CERS6: variants seen among roughly 807,000 people sequenced by gnomAD.
CERS6 encodes ceramide synthase 6.
CERS6 carries 26 observed loss-of-function variants against 56.8 expected under a neutral mutation model. The ratio of observed to expected loss-of-function variants is 0.46; its 90% confidence interval spans 0.34 to 0.63. CERS6 has a LOEUF of 0.63. Ranked by LOEUF, CERS6 falls within the 30% of genes least tolerant of loss-of-function variation. The probability of loss-of-function intolerance (pLI) is 0.01; values close to 1 mark genes in which losing one functional copy is unlikely to be tolerated. For missense variants in CERS6, 415 were observed against 467.5 expected, an observed-to-expected ratio of 0.89 and a Z score of 1.04; for synonymous variants, 164 against 173.3, an observed-to-expected ratio of 0.95 and a Z score of 0.42.
chr2:168,464,916 A>G (rs932448898), intron 1 of CERS6, among the ~76,000 whole-genome samples: 1 of 152,220 alleles, frequency 6.6e-6, no homozygotes, highest in African/African-American at 2.4e-5. Context: ...GGTGAGGACA[A>G]ATTGGATCTG....
At chr2:168,487,864 G>A (rs774456240) in intron 1 of CERS6, among the ~76,000 whole-genome samples, 14 of 152,222 alleles carry the variant, frequency 9.2e-5, no homozygotes, top group Admixed American at 3.3e-4. Flanking sequence ...GGCGACGTGT[G>A]TGCCATGACA....
At chr2:168,579,894 T>C (rs1683366412) in intron 3 of CERS6, among the ~76,000 whole-genome samples, 1 of 152,168 alleles carries the variant, frequency 6.6e-6, no homozygotes, top group Non-Finnish European at 1.5e-5. Context: ...CCCATCATCC[T>C]GGAACGTTCT....
rs568775861 is a variant in CERS6 at position 168,548,663 on chromosome 2, A to G, written c.276+962A>G. ...AGCAAATTCTATTTCTTTTCTTGGT[A>G]TTTGTGTTTCTAGCCATTTGTACTA... On this transcript the variant is annotated intron_variant, in intron 2 of 9. Transcript: ENST00000305747. Among the ~76,000 whole-genome samples, 10 of 152,286 alleles carry G rather than the reference A, an allele frequency of 6.6e-5. No homozygotes were observed. In the South Asian group the frequency reaches 1.0e-3, roughly 16 times the overall value.
chr2:168,717,081 G>T (rs924761400), intron 7 of CERS6, among the ~76,000 whole-genome samples: 1 of 152,150 alleles, frequency 6.6e-6, no homozygotes, highest in African/African-American at 2.4e-5. Flanking sequence ...AGAATCATCT[G>T]TAAAAAAAGT....
At position 168,558,852 on chromosome 2, in the gene CERS6, G is replaced by C. The variant is rs1695733724; in HGVS notation, c.277-2340G>C. ...CCACTGCACTCCAGCCTGGGCGACA[G>C]AGCAAGACTCTGTCACACACACAAA... On this transcript the variant is annotated intron_variant, in intron 2 of 9. Transcript: ENST00000305747. Among the ~76,000 whole-genome samples, 4 of 152,158 alleles carry C rather than the reference G, an allele frequency of 2.6e-5. No individual in the cohort carries two copies. The South Asian group carries it at 8.3e-4, about 31-fold the overall frequency.
At chr2:168,727,855 A>G (rs1485215342) in intron 8 of CERS6, among the ~76,000 whole-genome samples, 1 of 152,156 alleles carries the variant, frequency 6.6e-6, no homozygotes, top group Admixed American at 6.5e-5. Context: ...GAAGGATGAA[A>G]CCTGCTATCT....
chr2:168,765,012 GTAT>G lies in CERS6; in HGVS notation c.846-576_846-574del, dbSNP rs1684689971. On this transcript the variant is annotated intron_variant, in intron 8 of 9. Transcript: ENST00000305747. ...TGAATGGATAAAATATGACTTATAC[GTAT>G]TATAATTCAGCCTTAAAAAGGAAGG... 5.3e-5 allele frequency among the ~76,000 whole-genome samples: 8 copies of G among 152,162 alleles called. No individual in the cohort carries two copies. The South Asian group carries it at 1.7e-3, about 31-fold the overall frequency.
chr2:168,599,704 A>G (rs1470940508), intron 3 of CERS6, among the ~76,000 whole-genome samples: 2 of 152,196 alleles, frequency 1.3e-5, no homozygotes, highest in South Asian at 2.1e-4. Context: ...GAGGTTATAT[A>G]TATAGTTTGA....
At chr2:168,668,309 C>T (rs1685818367) in intron 4 of CERS6, among the ~76,000 whole-genome samples, 1 of 152,112 alleles carries the variant, frequency 6.6e-6, no homozygotes, top group African/African-American at 2.4e-5. Context: ...CAGCAGTCAC[C>T]CAAGCTAGAG....
chr2:168,666,415 T>C (rs1423651970), intron 4 of CERS6, among the ~76,000 whole-genome samples: 6 of 152,228 alleles, frequency 3.9e-5, no homozygotes, highest in African/African-American at 1.2e-4. Context: ...ATACAATATG[T>C]AGACTTTTCA....
intron 3 of CERS6, among the ~76,000 whole-genome samples, chr2:168,616,664 G>T (rs1684325691): frequency 6.6e-6 from 1 of 152,068 alleles, no homozygotes; most frequent in South Asian, 2.1e-4. Flanking sequence ...ATGATAAAAG[G>T]CCTTGTCCAA....
chr2:168,508,747 A>C (rs545996995), intron 1 of CERS6, among the ~76,000 whole-genome samples: 5 of 152,138 alleles, frequency 3.3e-5, no homozygotes, highest in African/African-American at 1.2e-4. Context: ...GCATTAGGAG[A>C]AATACCTAAT....
chr2:168,494,422 G>A (rs925884572), intron 1 of CERS6, among the ~76,000 whole-genome samples: 9 of 152,168 alleles, frequency 5.9e-5, no homozygotes, highest in African/African-American at 2.2e-4. Context: ...GTGAAATGAG[G>A]ATAAAAATGG....
rs139846847 is a variant in CERS6, at chr2:168,599,505, G to T, written c.408-31480G>T. On this transcript the variant is annotated intron_variant, in intron 3 of 9. Coordinates refer to ENST00000305747, the MANE Select transcript of CERS6 (RefSeq NM_203463.3). ...ACTCATTTTAAAACGAACATTGTCG[G>T]AGTAAATCCAACTGTGAGTGCTAGG... Among the ~76,000 whole-genome samples the T allele has an allele frequency of 2.5e-3, 374 of 152,282 alleles. 2 individuals are homozygous for T. Among genetic ancestry groups the T allele is most frequent in the Non-Finnish European group, 4.0e-3 (274 of 68,020 alleles).
At chr2:168,603,713 T>C (rs1361847580) in intron 3 of CERS6, among the ~76,000 whole-genome samples, 1 of 152,204 alleles carries the variant, frequency 6.6e-6, no homozygotes, top group African/African-American at 2.4e-5. Flanking sequence ...TAATTATAGC[T>C]TCCATGATGC....
At chr2:168,511,740 A>G (rs1694790566) in intron 1 of CERS6, among the ~76,000 whole-genome samples, 1 of 152,210 alleles carries the variant, frequency 6.6e-6, no homozygotes, top group Admixed American at 6.5e-5. Context: ...TTTAAAGTTT[A>G]AAAAATTTGG....
chr2:168,624,105 T>C (rs76145838), intron 3 of CERS6, among the ~76,000 whole-genome samples: 4,384 of 152,246 alleles, frequency 0.029, 214 homozygotes, highest in African/African-American at 0.1. Flanking sequence ...GACCGAATCG[T>C]TGCATTCAGT....
chr2:168,666,790 G>A (rs912991956), intron 4 of CERS6, among the ~76,000 whole-genome samples: 6 of 152,112 alleles, frequency 3.9e-5, no homozygotes, highest in African/African-American at 1.4e-4. Flanking sequence ...CCTTTTTCAG[G>A]TTCTCCTCTC....
chr2:168,626,932 T>C (rs1459586990), intron 3 of CERS6, among the ~76,000 whole-genome samples: 1 of 152,160 alleles, frequency 6.6e-6, no homozygotes, highest in Non-Finnish European at 1.5e-5. Flanking sequence ...AGGGTGGTTG[T>C]CTTCACTCCA....
Sources: gnomAD v4.1 joint callset for allele counts (sites outside exome capture counted in the v4.1 genomes callset) on GRCh38, gnomAD v4.1.1 for gene constraint, MANE v1.5 for transcripts, NCBI Gene and HGNC (gene_info 2026-07-23, HGNC 2026-07-21) for gene names.